The following STAT5B variants were observed in gnomAD, a reference collection of about 807,000 sequenced individuals.
STAT5B encodes the protein signal transducer and activator of transcription 5B, also known as transcription factor STAT5B.
Under a neutral mutation model 107.8 loss-of-function variants are expected in STAT5B, and 21 were observed. The ratio of observed to expected loss-of-function variants is 0.19; its 90% CI spans 0.14 to 0.28. STAT5B has a LOEUF of 0.28. Ranked by LOEUF, STAT5B falls within the 10% of genes least tolerant of loss-of-function variation. The pLI, the probability that STAT5B is intolerant of heterozygous loss-of-function variation, is 1.00. For missense variants in STAT5B, 565 were observed against 1,008.2 expected (o/e 0.56, Z 5.95); for synonymous variants, 325 against 401.7 (o/e 0.81, Z 2.28).
intron 1 of STAT5B, among the ~76,000 whole-genome samples, chr17:42,266,186 T>C (rs534967914): frequency 6.6e-6 from 1 of 152,136 alleles, no homozygotes; most frequent in African/African-American, 2.4e-5. Context: ...AACTGGAATG[T>C]AATGTTAAGT....
At chr17:42,224,568 C>T (rs1475293139) in intron 4 of STAT5B, among the ~76,000 whole-genome samples, 1 of 152,056 alleles carries the variant, frequency 6.6e-6, no homozygotes, top group Admixed American at 6.6e-5. Flanking sequence ...TCTCGAACTC[C>T]TGGGCTCAGG....
chr17:42,252,036 CA>C (rs2080504728), intron 1 of STAT5B, among the ~76,000 whole-genome samples: 1 of 150,302 alleles, frequency 6.7e-6, no homozygotes, highest in Non-Finnish European at 1.5e-5. Context: ...AGAAAATATA[CA>C]AATAACTATG....
At chr17:42,241,940 T>C (rs1168240510) in intron 1 of STAT5B, among the ~76,000 whole-genome samples, 1 of 152,164 alleles carries the variant, frequency 6.6e-6, no homozygotes, top group African/African-American at 2.4e-5. Flanking sequence ...CAATTCTCTT[T>C]TTAAAAAATC....
At chr17:42,262,752 A>ATGTATG (rs1555553426) in intron 1 of STAT5B, among the ~76,000 whole-genome samples, 1 of 138,318 alleles carries the variant, frequency 7.2e-6, no homozygotes, top group Non-Finnish European at 1.6e-5. Context: ...GTGTATATAT[A>ATGTATG]TGTGTGTATA....
chr17:42,217,189 C>A lies in STAT5B; in HGVS notation c.1351G>T (p.Gly451Cys). ...ACTTGAAAAACCAGCTCATTTCCAC[C>A]AACACTGAACTGGGATTCAAACAGG... The part of the protein sequence containing the change: ...TILFESQFSV[G>C]GNELVFQVKT... Residue 451 changes from glycine (G) to cysteine (C), a missense_variant, in exon 11 of 19, where the codon GGT (glycine) becomes TGT (cysteine). Physicochemically the swap from Gly to Cys is radical, Grantham distance 159 (BLOSUM62 -3). This residue lies in a region of STAT5B where 127 missense variants were observed against 215.8 expected (regional missense o/e 0.59). Coordinates refer to ENST00000293328, the MANE Select transcript of STAT5B (RefSeq NM_012448.4). The A allele has an allele frequency of 1.2e-6, 2 of 1,613,830 alleles. No individual in the cohort carries two copies. The highest frequency in any genetic ancestry group is 1.7e-6 in the Non-Finnish European group (2 of 1,179,882).
At chr17:42,208,378 T>C (rs913705381) in intron 15 of STAT5B, among the ~76,000 whole-genome samples, 1 of 151,860 alleles carries the variant, frequency 6.6e-6, no homozygotes, top group African/African-American at 2.4e-5. Flanking sequence ...CACTCATCCG[T>C]AGTCCCAGGT....
chr17:42,222,942 C>T (rs922914059), intron 5 of STAT5B, among the ~76,000 whole-genome samples: 2 of 152,058 alleles, frequency 1.3e-5, no homozygotes, highest in Non-Finnish European at 2.9e-5. Flanking sequence ...CCTCAGCCTC[C>T]CAAAGTGCTG....
intron 1 of STAT5B, among the ~76,000 whole-genome samples, chr17:42,253,312 T>A (rs2080515132): frequency 6.6e-6 from 1 of 152,210 alleles, no homozygotes; most frequent in South Asian, 2.1e-4. Context: ...GGATGTCCCC[T>A]ATCTCTGCCA....
chr17:42,286,893 A>G, the STAT5B span, among the ~76,000 whole-genome samples: 1 of 152,124 alleles, frequency 6.6e-6, no homozygotes, highest in Non-Finnish European at 1.5e-5. Flanking sequence ...CACTTGTAAA[A>G]TCATCTTTAT....
Position 42,218,206 on chromosome 17 carries a change from T to C in STAT5B, c.1114A>G (p.Thr372Ala), listed in dbSNP as rs1231852942. Reference sequence around the variant, plus strand: ...TTGGCCTGCTGCTCACTGATGATGGTGGCCTTCACCTGGGGGGGGTTCATG... The same window carrying C: ...TTGGCCTGCTGCTCACTGATGATGGCGGCCTTCACCTGGGGGGGGTTCATG... ...VHMNPPQVKA[T>A]IISEQQAKSL... The change falls in exon 9 of 19, where the codon ACC becomes GCC. Residue 372 changes from threonine (T) to alanine (A), a missense_variant. By Grantham distance (58) the Thr-to-Ala change is moderately conservative (BLOSUM62 0). Around this residue, in one of 11 missense-constraint regions of STAT5B, gnomAD observed 70 missense variants for 73.2 expected, o/e 0.96. Transcript: ENST00000293328. 2.5e-6 allele frequency: 4 copies of C among 1,614,032 alleles called. No homozygotes were observed. Among genetic ancestry groups the C allele is most frequent in the Admixed American group, 3.3e-5 (2 of 59,996 alleles).
intron 16 of STAT5B, among the ~76,000 whole-genome samples, chr17:42,205,890 C>T (rs978042743): frequency 6.6e-6 from 1 of 151,942 alleles, no homozygotes; most frequent in Non-Finnish European, 1.5e-5. Flanking sequence ...AAGTGAGACC[C>T]CATCTCAAAC....
intron 2 of STAT5B, among the ~76,000 whole-genome samples, chr17:42,229,071 C>T (rs1598312306): frequency 6.6e-6 from 1 of 152,150 alleles, no homozygotes; most frequent in Non-Finnish European, 1.5e-5. Flanking sequence ...AAATAGAATA[C>T]GTATTAAATG....
intron 12 of STAT5B, chr17:42,214,192 A>G (rs994118024): frequency 1.0e-6 from 1 of 983,952 alleles, no homozygotes; most frequent in Non-Finnish European, 1.2e-6. Context: ...AGTCATTAAC[A>G]TAGCTGAGAA....
intron 1 of STAT5B, among the ~76,000 whole-genome samples, chr17:42,235,867 A>C (rs1351543519): frequency 2.0e-5 from 3 of 152,216 alleles, no homozygotes; most frequent in Non-Finnish European, 4.4e-5. Context: ...GGAGCGAATA[A>C]ATACACAAAC....
intron 1 of STAT5B, among the ~76,000 whole-genome samples, chr17:42,238,748 A>T (rs962869546): frequency 3.3e-5 from 5 of 151,306 alleles, no homozygotes; most frequent in African/African-American, 1.2e-4. Flanking sequence ...GGCCCTTTTA[A>T]AAGATGGCAT....
intron 4 of STAT5B, 38 bp downstream of exon 4, chr17:42,224,741 C>A: frequency 1.2e-6 from 2 of 1,608,168 alleles, no homozygotes; most frequent in Non-Finnish European, 1.7e-6. Context: ...TAAGAAAAGA[C>A]TTCCCGACTG....
At chr17:42,219,987 G>C (rs2080210914) in intron 5 of STAT5B, 145 bp from the exon 6 acceptor site, 6 of 1,421,870 alleles carry the variant, frequency 4.2e-6, no homozygotes, top group Admixed American at 2.3e-5. Flanking sequence ...GACAGCCAGG[G>C]GGGCCAAGAT....
intron 1 of STAT5B, among the ~76,000 whole-genome samples, chr17:42,237,804 G>C (rs1213543849): frequency 6.6e-6 from 1 of 152,108 alleles, no homozygotes; most frequent in African/African-American, 2.4e-5. Context: ...AAGCCTCTCT[G>C]TGCCTCAGTT....
upstream of STAT5B, chr17:42,276,655 C>T (rs1263168139): frequency 2.6e-5 from 4 of 152,026 alleles, no homozygotes. The surrounding 1 kb of genome is among the most constrained non-coding windows in gnomAD (Gnocchi z 4.8). Flanking sequence ...GGGGTGTCTT[C>T]CCGGCTCGGC....
Sources: gnomAD v4.1 joint callset for allele counts (sites outside exome capture counted in the v4.1 genomes callset) on GRCh38, gnomAD v4.1.1 for gene constraint, gnomAD v4.1.1 regional missense constraint, Gnocchi (gnomAD v3.1) non-coding constraint, MANE v1.5 for transcripts, NCBI Gene and HGNC (gene_info 2026-07-23, HGNC 2026-07-21) for gene names.